The following INPP4B variants were observed in gnomAD, a reference collection of about 807,000 sequenced individuals.
INPP4B encodes the protein inositol polyphosphate 4-phosphatase type II.
A neutral mutation model predicts 122.5 loss-of-function variants in INPP4B; 55 were observed. The ratio of observed to expected loss-of-function variants is 0.45; its 90% CI spans 0.36 to 0.56. The LOEUF (loss-of-function observed/expected upper bound fraction) is 0.56, where lower values mean the gene tolerates loss of function less well. INPP4B is among the 20% of genes least tolerant of loss of function. INPP4B has a pLI of 0.00. For synonymous variants in INPP4B, 403 were observed against 388.7 expected (o/e 1.04, Z -0.43); for missense variants, 1,000 against 1,097.7 (o/e 0.91, Z 1.26).
Position 142,150,251 on chromosome 4 carries a change from G to A in INPP4B, c.1564-4255C>T, listed in dbSNP as rs182333777. 5.3e-5 allele frequency among the ~76,000 whole-genome samples: 8 copies of A among 152,318 alleles called. No individual in the cohort carries two copies. In the East Asian group the frequency reaches 1.5e-3, roughly 29 times the overall value. On this transcript the variant is annotated intron_variant, in intron 17 of 25. Coordinates refer to ENST00000262992, the MANE Select transcript of INPP4B (RefSeq NM_001101669.3). ...ATTGCTCCCATGATGAAGAAAGGCT[G>A]ATTAGTGGGAAGACAACGGTAGCAT...
At chr4:142,249,515 G>A (rs891353708) in intron 11 of INPP4B, among the ~76,000 whole-genome samples, 1 of 151,960 alleles carries the variant, frequency 6.6e-6, no homozygotes, top group Non-Finnish European at 1.5e-5. Flanking sequence ...ATATAAAACT[G>A]ATGAAAATGA....
At chr4:142,371,764 C>A (rs2148709481) in intron 7 of INPP4B, among the ~76,000 whole-genome samples, 1 of 150,274 alleles carries the variant, frequency 6.7e-6, no homozygotes, top group East Asian at 2.0e-4. Flanking sequence ...TGGATATGAT[C>A]AAAAATACAA....
At chr4:142,266,116 CCA>C (rs1742668948) in intron 10 of INPP4B, among the ~76,000 whole-genome samples, 1 of 152,080 alleles carries the variant, frequency 6.6e-6, no homozygotes, top group African/African-American at 2.4e-5. Context: ...CTCTGTGTCC[CCA>C]GTTTAGCTTC....
chr4:142,178,782 A>C (rs999097197), intron 15 of INPP4B, among the ~76,000 whole-genome samples: 2 of 151,974 alleles, frequency 1.3e-5, no homozygotes, highest in African/African-American at 4.8e-5. Flanking sequence ...CCAGAGAAAA[A>C]AAAATCTAGA....
chr4:142,550,020 T>C (rs952084681), intron 2 of INPP4B, among the ~76,000 whole-genome samples: 2 of 152,160 alleles, frequency 1.3e-5, no homozygotes, highest in Admixed American at 1.3e-4. Context: ...AGCAGGTTGG[T>C]GAATTTTCAC....
intron 7 of INPP4B, among the ~76,000 whole-genome samples, chr4:142,361,835 A>G (rs909590669): frequency 1.3e-5 from 2 of 151,988 alleles, no homozygotes; most frequent in South Asian, 2.1e-4. Context: ...AAAATAATTA[A>G]TTTTATAAGT....
intron 2 of INPP4B, among the ~76,000 whole-genome samples, chr4:142,608,928 T>C (rs1333060116): frequency 1.3e-5 from 2 of 152,194 alleles, no homozygotes; most frequent in East Asian, 1.9e-4. Context: ...ATTATGTGTA[T>C]ATTTGAATCT....
At chr4:142,418,327 A>T (rs1358192745) in intron 5 of INPP4B, among the ~76,000 whole-genome samples, 2 of 152,162 alleles carry the variant, frequency 1.3e-5, no homozygotes, top group African/African-American at 4.8e-5. Context: ...TTATTTTATG[A>T]ATAAATGTGT....
chr4:142,185,420 C>A (rs1366466802), intron 15 of INPP4B, among the ~76,000 whole-genome samples: 4 of 141,122 alleles, frequency 2.8e-5, no homozygotes, highest in South Asian at 2.3e-4. Context: ...ATATATATAT[C>A]TCATCAGCCA....
chr4:142,683,059 G>A (rs1758857805), intron 2 of INPP4B, among the ~76,000 whole-genome samples: 1 of 151,828 alleles, frequency 6.6e-6, no homozygotes, highest in South Asian at 2.1e-4. Context: ...GCTGAAGCTT[G>A]TCTTATTCAT....
intron 18 of INPP4B, among the ~76,000 whole-genome samples, chr4:142,133,903 A>T (rs549248468): frequency 1.3e-5 from 2 of 152,200 alleles, no homozygotes; most frequent in Non-Finnish European, 2.9e-5. Flanking sequence ...CTACTCCACT[A>T]AACTGCAATC....
At chr4:142,679,806 C>T (rs1758349808) in intron 2 of INPP4B, among the ~76,000 whole-genome samples, 1 of 151,632 alleles carries the variant, frequency 6.6e-6, no homozygotes, top group Non-Finnish European at 1.5e-5. Context: ...CTAATGATCA[C>T]CATCATTTAC....
At chr4:142,096,278 G>A (rs576191687) in intron 23 of INPP4B, 1 of 152,214 alleles carries the variant, frequency 6.6e-6, no homozygotes, top group African/African-American at 2.4e-5. Context: ...ATGATTGAAA[G>A]GCAAGAAAAT....
At chr4:142,174,973 G>T (rs1330434018) in intron 15 of INPP4B, among the ~76,000 whole-genome samples, 1 of 151,914 alleles carries the variant, frequency 6.6e-6, no homozygotes, top group Admixed American at 6.6e-5. Context: ...ATGGGAGCAG[G>T]GATTCTTTAG....
Position 142,314,881 on chromosome 4 carries a change from T to C in INPP4B, c.373-119A>G. 11 of 786,868 alleles carry C rather than the reference T, an allele frequency of 1.4e-5. No homozygotes were observed. The South Asian group carries it at 2.1e-4, about 15-fold the overall frequency. The allele number at this position is 786,868 out of a possible 1,614,324, so 48.7% of individuals were successfully genotyped here. On this transcript the variant is annotated intron_variant, in intron 7 of 25. Coordinates refer to ENST00000262992, the MANE Select transcript of INPP4B (RefSeq NM_001101669.3). ...TCAATTCAGACTCTGTGGTTAATCA[T>C]TAATGAATTCACCTGTGTGCAACAC...
At chr4:142,798,190 C>T (rs1234440343) in intron 1 of INPP4B, among the ~76,000 whole-genome samples, 1 of 151,720 alleles carries the variant, frequency 6.6e-6, no homozygotes, top group African/African-American at 2.4e-5. Flanking sequence ...AGAAGAGAAA[C>T]ACTAGGAAAA....
intron 2 of INPP4B, among the ~76,000 whole-genome samples, chr4:142,513,305 G>A (rs1045732717): frequency 1.3e-5 from 2 of 152,140 alleles, no homozygotes; most frequent in Admixed American, 6.5e-5. Context: ...GTGTTAGGGG[G>A]AAAGCTGGGA....
intron 2 of INPP4B, among the ~76,000 whole-genome samples, chr4:142,573,567 T>TA (rs977346863): frequency 2.0e-5 from 3 of 152,096 alleles, no homozygotes; most frequent in Non-Finnish European, 1.5e-5. Context: ...CTTACTGTGC[T>TA]AAAAAAGAGT....
At chr4:142,630,979 G>A (rs533976217) in intron 2 of INPP4B, among the ~76,000 whole-genome samples, 10 of 152,096 alleles carry the variant, frequency 6.6e-5, no homozygotes, top group Non-Finnish European at 1.5e-4. Flanking sequence ...CCTGGCAGGA[G>A]CTAACATAAA....
Sources: allele counts gnomAD v4.1 joint callset (sites outside exome capture counted in the v4.1 genomes callset), GRCh38; gene constraint gnomAD v4.1.1; transcripts MANE v1.5; gene names NCBI Gene and HGNC (gene_info 2026-07-23, HGNC 2026-07-21).